The following ISM1 variants were observed in gnomAD, a reference collection of about 807,000 sequenced individuals.
ISM1 encodes the protein isthmin-1.
ISM1 carries 25 observed loss-of-function variants against 46.3 expected under a neutral mutation model. That is an observed-to-expected ratio of 0.54 (90% CI 0.39 to 0.75). The LOEUF is 0.75. Ranked by LOEUF, ISM1 falls within the 30% of genes least tolerant of loss-of-function variation. The pLI is 0.00. For missense variants in ISM1, 536 were observed against 625.4 expected (o/e 0.86, Z 1.52); for synonymous variants, 255 against 256.7 (o/e 0.99, Z 0.06).
intron 5 of ISM1, among the ~76,000 whole-genome samples, chr20:13,293,083 C>T (rs1302890788): frequency 6.6e-6 from 1 of 151,840 alleles, no homozygotes; most frequent in African/African-American, 2.4e-5. Context: ...GCCTGTAGTC[C>T]CAGCTACTCG....
chr20:13,242,795 C>T (rs896482305), intron 1 of ISM1, among the ~76,000 whole-genome samples: 1 of 152,124 alleles, frequency 6.6e-6, no homozygotes, highest in African/African-American at 2.4e-5. Context: ...CTTAAGACAT[C>T]GGGTTCCTTA....
the ISM1 span, among the ~76,000 whole-genome samples, chr20:13,314,602 GA>G: frequency 1.3e-5 from 2 of 152,020 alleles, no homozygotes; most frequent in African/African-American, 4.8e-5. Flanking sequence ...GTTACCAGTA[GA>G]AGTGCCTTGC....
intron 1 of ISM1, among the ~76,000 whole-genome samples, chr20:13,252,938 T>C (rs2039884291): frequency 6.6e-6 from 1 of 152,132 alleles, no homozygotes; most frequent in African/African-American, 2.4e-5. Context: ...CAGCCCCCCC[T>C]CTCAGATCTC....
At chr20:13,287,263 A>G (rs537220001) in intron 3 of ISM1, among the ~76,000 whole-genome samples, 1 of 152,336 alleles carries the variant, frequency 6.6e-6, no homozygotes, top group South Asian at 2.1e-4. Context: ...GCAAAGGGAC[A>G]TCTTACATGG....
At chr20:13,283,627 G>A (rs888078646) in intron 3 of ISM1, among the ~76,000 whole-genome samples, 7 of 152,230 alleles carry the variant, frequency 4.6e-5, no homozygotes, top group African/African-American at 1.7e-4. Flanking sequence ...GTATGTGTTT[G>A]AGATGCTGCA....
In ISM1 at chr20:13,299,403, G is replaced by C. The variant is rs1388235977; in HGVS notation, c.1339G>C (p.Glu447Gln). ...RPPNNGQKCT[E>Q]SPSDEDYIKQ... ...TCCCAACAACGGACAGAAGTGCACA[G>C]AGAGCCCCTCGGACGAGGACTACAT... The change falls in exon 6 of 6, where the codon GAG becomes CAG. Residue 447 changes from glutamate (E) to glutamine (Q), a missense_variant. Physicochemically the swap from Glu to Gln is conservative, Grantham distance 29 (BLOSUM62 2). This residue lies in a region of ISM1 where 169 missense variants were observed against 249.3 expected (regional missense o/e 0.68). Coordinates refer to ENST00000262487, the MANE Select transcript of ISM1 (RefSeq NM_080826.2). This position sits in a 1 kb window ranked among gnomAD's most constrained non-coding sequence, Gnocchi z 5.8. The C allele has an allele frequency of 3.1e-6, 5 of 1,612,514 alleles. No homozygotes were observed. The East Asian group carries it at 6.7e-5, about 22-fold the overall frequency.
chr20:13,321,356 A>G, the ISM1 span, among the ~76,000 whole-genome samples: 1 of 151,642 alleles, frequency 6.6e-6, no homozygotes, highest in African/African-American at 2.4e-5. Context: ...ATGAATACTG[A>G]TGACAATTGT....
intron 1 of ISM1, among the ~76,000 whole-genome samples, chr20:13,227,858 GTCTA>G (rs2039545135): frequency 6.6e-6 from 1 of 151,402 alleles, no homozygotes; most frequent in Non-Finnish European, 1.5e-5. Context: ...TATTAATAAT[GTCTA>G]TCTTAGGAAT....
intron 1 of ISM1, among the ~76,000 whole-genome samples, chr20:13,258,966 A>G (rs2039957338): frequency 6.6e-6 from 1 of 152,140 alleles, no homozygotes; most frequent in Admixed American, 6.5e-5. Context: ...AAAACCTTAC[A>G]GATGGCGAGC....
intron 2 of ISM1, among the ~76,000 whole-genome samples, chr20:13,276,614 C>T (rs1423269869): frequency 6.6e-6 from 1 of 152,112 alleles, no homozygotes; most frequent in Non-Finnish European, 1.5e-5. Context: ...TAAGACACTT[C>T]AATTATGTGT....
the ISM1 span, among the ~76,000 whole-genome samples, chr20:13,316,327 G>A: frequency 6.6e-6 from 1 of 151,870 alleles, no homozygotes; most frequent in Non-Finnish European, 1.5e-5. Flanking sequence ...GAAAGCACTA[G>A]CCCAGGTAGG....
intron 1 of ISM1, among the ~76,000 whole-genome samples, chr20:13,249,206 ATCT>A (rs1032205711): frequency 6.6e-6 from 1 of 152,182 alleles, no homozygotes; most frequent in Non-Finnish European, 1.5e-5. Context: ...GTTCCTAATG[ATCT>A]TCTGTTCTCC....
intron 3 of ISM1, among the ~76,000 whole-genome samples, chr20:13,280,120 A>C (rs1274948451): frequency 6.6e-6 from 1 of 152,062 alleles, no homozygotes; most frequent in Non-Finnish European, 1.5e-5. Flanking sequence ...TCACTATACC[A>C]ATTATCCGAA....
Position 13,288,652 on chromosome 20 carries a change from A to G in ISM1, c.756A>G (p.Glu252=). The G allele has an allele frequency of 6.2e-7, 1 of 1,614,022 alleles. No individual in the cohort carries two copies. The highest frequency in any genetic ancestry group is 8.5e-7 in the Non-Finnish European group (1 of 1,179,874). Residue 252 remains glutamate (E), a synonymous_variant, in exon 4 of 6, where the codon GAA becomes GAG. Transcript: ENST00000262487. ...GTGGCTACGCGTGCACTGCAACAGA[A>G]TCGAGGACCTGTGACCGTCCAAACT... ...RSCGYACTAT[E]SRTCDRPNCP...
chr20:13,255,614 G>A (rs1267507330), intron 1 of ISM1, among the ~76,000 whole-genome samples: 1 of 152,170 alleles, frequency 6.6e-6, no homozygotes, highest in African/African-American at 2.4e-5. Flanking sequence ...TGCAGGTAGA[G>A]TAGACAGAAA....
chr20:13,275,773 A>G (rs2040172226), intron 2 of ISM1, among the ~76,000 whole-genome samples: 1 of 152,226 alleles, frequency 6.6e-6, no homozygotes, highest in South Asian at 2.1e-4. Flanking sequence ...TGGTGATGAT[A>G]TTGGAGATGA....
At chr20:13,263,239 G>A (rs938049574) in intron 1 of ISM1, among the ~76,000 whole-genome samples, 2 of 152,158 alleles carry the variant, frequency 1.3e-5, no homozygotes, top group African/African-American at 4.8e-5. Flanking sequence ...GCAGCAGCTG[G>A]TCAGCCTTGT....
intron 1 of ISM1, among the ~76,000 whole-genome samples, chr20:13,223,560 T>C (rs1255998472): frequency 6.6e-6 from 1 of 152,228 alleles, no homozygotes; most frequent in Non-Finnish European, 1.5e-5. Context: ...AGCAAGGTGA[T>C]TATTGCACGC....
rs2039445897 is a variant in ISM1, at chr20:13,221,475, C to T, written c.-302C>T. ...GGGACCCAGTCTCCGTCTCCGCCGC[C>T]GCCGCCGCCAGGCAGCGCCGGGGCT... On this transcript the variant is annotated 5_prime_UTR_variant, in exon 1 of 6. Transcript: ENST00000262487. Among the ~76,000 whole-genome samples, 1 of 145,876 alleles carries T rather than the reference C, an allele frequency of 6.9e-6. No individual in the cohort carries two copies. Among genetic ancestry groups the T allele is most frequent in the Non-Finnish European group, 1.5e-5 (1 of 65,544 alleles).
Sources: gnomAD v4.1 joint callset for allele counts (sites outside exome capture counted in the v4.1 genomes callset) on GRCh38, gnomAD v4.1.1 for gene constraint, gnomAD v4.1.1 regional missense constraint, Gnocchi (gnomAD v3.1) non-coding constraint, MANE v1.5 for transcripts, NCBI Gene and HGNC (gene_info 2026-07-23, HGNC 2026-07-21) for gene names.